The following PDX1 variants were observed in gnomAD, a reference collection of about 807,000 sequenced individuals.
PDX1 encodes pancreatic and duodenal homeobox 1.
A neutral mutation model predicts 11.1 loss-of-function variants in PDX1; 7 were observed. That is an observed-to-expected ratio of 0.63 (90% CI 0.36 to 1.19). PDX1 has a LOEUF of 1.19. Ranked by LOEUF, PDX1 falls within the 50% of genes most tolerant of loss-of-function variation. The pLI is 0.02. For missense variants in PDX1, 449 were observed against 412.1 expected (o/e 1.09, Z -0.78); for synonymous variants, 232 against 196.2 (o/e 1.18, Z -1.53).
chr13:27,922,691 C>G (rs993933034), intron 1 of PDX1, among the ~76,000 whole-genome samples: 3 of 152,178 alleles, frequency 2.0e-5, no homozygotes, highest in African/African-American at 7.2e-5. Context: ...GAGCACAGGT[C>G]CCCCGGGAAT....
In PDX1 at chr13:27,924,686, G is replaced by T. The variant is rs937660726; in HGVS notation, c.837G>T (p.Pro279=). ...CCTCCAGCGTCGCGCCTCGGCGGCC[G>T]CAGGAACCACGATGAGAGGCAGGAG... is the stretch of plus-strand genomic sequence containing the variant. The part of the protein sequence containing the change: ...PQPSSVAPRR[P]QEPR Residue 279 remains proline, a synonymous_variant, in exon 2 of 2, where the codon CCG becomes CCT. Coordinates refer to ENST00000381033, the MANE Select transcript of PDX1 (RefSeq NM_000209.4). This position sits in a 1 kb window ranked among gnomAD's most constrained non-coding sequence, Gnocchi z 4.8. 11 of 1,470,230 alleles carry T rather than the reference G, an allele frequency of 7.5e-6. No individual in the cohort carries two copies. In the African/African-American group the frequency reaches 1.0e-4, roughly 14 times the overall value. The allele number at this position is 1,470,230 out of a possible 1,614,324, so 91.1% of individuals were successfully genotyped here. A position where few individuals can be genotyped will look rare whatever the true frequency, so the allele number is the denominator to read the frequency against.
In PDX1 at chr13:27,920,474, C is replaced by T. The variant is rs149275902; in HGVS notation, c.336C>T (p.Pro112=). 6.2e-7 allele frequency: 1 copy of T among 1,609,352 alleles called. No homozygotes were observed. The highest frequency in any genetic ancestry group is 2.2e-5 in the East Asian group (1 of 44,754). The change falls in exon 1 of 2, where the codon CCC becomes CCT. Residue 112 remains proline, a synonymous_variant. Transcript: ENST00000381033. ...EGAEPGVLEE[P]NRVQLPFPWM... ...CCGAGCCGGGCGTCCTGGAGGAGCC[C>T]AACCGCGTCCAGCTGCCTTTCCCAT...
rs1236618998 is a variant in PDX1 at position 27,924,618 on chromosome 13, C to A, written c.769C>A (p.Arg257=). The change falls in exon 2 of 2, where the codon CGA becomes AGA. Residue 257 remains arginine, a synonymous_variant. Transcript: ENST00000381033. The surrounding 1 kb of genome is among the most constrained non-coding windows in gnomAD (Gnocchi z 4.8). ...AVPPAAPVAA[R]EGRLPPGLSA... ...GCCGCCCGCTGCCCCCGTTGCCGCC[C>A]GAGAGGGCCGCCTGCCGCCTGGCCT... 2 of 1,471,450 alleles carry A rather than the reference C, an allele frequency of 1.4e-6. No homozygotes were observed. The highest frequency in any genetic ancestry group is 1.8e-6 in the Non-Finnish European group (2 of 1,116,930). 91.1% of individuals were successfully genotyped at this position (1,471,450 alleles called of 1,614,324 possible). A position where few individuals can be genotyped will look rare whatever the true frequency, so the allele number is the denominator to read the frequency against.
At position 27,920,305 on chromosome 13, in the gene PDX1, C is replaced by A; in HGVS notation, c.167C>A (p.Ala56Glu). ...CACCCGTTCCCTGGCGCCCTGGGCG[C>A]GCTGGAGCAGGGCAGCCCCCCGGAC... ...PPHPFPGALG[A>E]LEQGSPPDIS... The change falls in exon 1 of 2, where the codon GCG becomes GAG. Residue 56 changes from alanine to glutamate, a missense_variant. By Grantham distance (107) the Ala-to-Glu change is moderately radical (BLOSUM62 -1). Transcript: ENST00000381033. 1.1e-5 allele frequency: 17 copies of A among 1,538,996 alleles called. No homozygotes were observed. The highest frequency in any genetic ancestry group is 1.4e-5 in the Non-Finnish European group (16 of 1,142,282).
In PDX1 at chr13:27,920,039, C is replaced by T; in HGVS notation, c.-100C>T. On this transcript the variant is annotated 5_prime_UTR_variant, in exon 1 of 2. Coordinates refer to ENST00000381033, the MANE Select transcript of PDX1 (RefSeq NM_000209.4). The stretch of plus-strand genomic sequence containing the variant: ...GCTGTCAAAGCGAGCAGGGGTGGCG[C>T]CGGGAGTGGGAACGCCACACAGTGC... 3 of 1,422,126 alleles carry T rather than the reference C, an allele frequency of 2.1e-6. No individual in the cohort carries two copies. Among genetic ancestry groups the T allele is most frequent in the Non-Finnish European group, 2.9e-6 (3 of 1,033,356 alleles). 88.1% of individuals were successfully genotyped at this position (1,422,126 alleles called of 1,614,324 possible). A position where few individuals can be genotyped will look rare whatever the true frequency, so the allele number is the denominator to read the frequency against.
chr13:27,920,095 G>C lies in PDX1; in HGVS notation c.-44G>C, dbSNP rs1398444348. ...CCCCGGCTCCAGCTCCCGACTCCCG[G>C]CTCCCGGCTCCCGGCTCCCGGTGCC... On this transcript the variant is annotated 5_prime_UTR_variant, in exon 1 of 2. Transcript: ENST00000381033. 7 of 1,544,326 alleles carry C rather than the reference G, an allele frequency of 4.5e-6. No homozygotes were observed. The African/African-American group carries it at 9.6e-5, about 21-fold the overall frequency.
rs1218547030 is a variant in PDX1, at chr13:27,920,127, C to A, written c.-12C>A. 1.3e-6 allele frequency: 2 copies of A among 1,549,494 alleles called. No individual in the cohort carries two copies. The stretch of plus-strand genomic sequence containing the variant: ...GCTCCCGGCTCCCGGTGCCCAATCC[C>A]GGGCCGCAGCCATGAACGGCGAGGA... On this transcript the variant is annotated 5_prime_UTR_variant, in exon 1 of 2. Coordinates refer to ENST00000381033, the MANE Select transcript of PDX1 (RefSeq NM_000209.4).
At chr13:27,921,088 G>T in intron 1 of PDX1, among the ~76,000 whole-genome samples, 1 of 152,226 alleles carries the variant, frequency 6.6e-6, no homozygotes, top group East Asian at 1.9e-4. Context: ...ACCCAACCCA[G>T]CAGTGTCCGG....
chr13:27,921,399 G>A (rs1957786078), intron 1 of PDX1, among the ~76,000 whole-genome samples: 1 of 152,228 alleles, frequency 6.6e-6, no homozygotes, highest in African/African-American at 2.4e-5. Flanking sequence ...CCGGAGCCGG[G>A]AGCCGGAGGC....
intron 1 of PDX1, among the ~76,000 whole-genome samples, chr13:27,921,412 G>C (rs1174864625): frequency 6.6e-6 from 1 of 152,246 alleles, no homozygotes; most frequent in African/African-American, 2.4e-5. Flanking sequence ...CCGGAGGCAC[G>C]GGGTAGCCCC....
rs1245933465 is a variant in PDX1, at chr13:27,924,173, G to GC, written c.407-77dup. On this transcript the variant is annotated intron_variant, in intron 1 of 1. Coordinates refer to ENST00000381033, the MANE Select transcript of PDX1 (RefSeq NM_000209.4). This position sits in a 1 kb window ranked among gnomAD's most constrained non-coding sequence, Gnocchi z 4.8. Reference sequence around the variant, plus strand: ...CAGCTGGTAGGGCTAGGGCTCCCTGGCCCCCCTTGAAGGGGTTGGGCTGCG... The same window carrying GC: ...CAGCTGGTAGGGCTAGGGCTCCCTGGCCCCCCCTTGAAGGGGTTGGGCTGCG... The GC allele has an allele frequency of 1.1e-5, 14 of 1,235,348 alleles. No homozygotes were observed. In the East Asian group the frequency reaches 2.6e-4, roughly 23 times the overall value. The allele number at this position is 1,235,348 out of a possible 1,614,324, so 76.5% of individuals were successfully genotyped here.
rs756909200 is a variant in PDX1, at chr13:27,920,413, TCCC to T, written c.278_280del (p.Pro93del). On this transcript the variant is annotated inframe_deletion, in exon 1 of 2. Transcript: ENST00000381033. ...CACCACCTCCCGGCTCAGCTCGCGCTCCCCCACCCGCCCGCCGGGCCCTTCCCG... is the reference window on the plus strand; with the variant it reads ...CACCACCTCCCGGCTCAGCTCGCGCTCCACCCGCCCGCCGGGCCCTTCCCG... The T allele has an allele frequency of 3.2e-6, 5 of 1,560,482 alleles. No individual in the cohort carries two copies. The South Asian group carries it at 5.9e-5, about 18-fold the overall frequency.
chr13:27,924,578 C>A lies in PDX1; in HGVS notation c.729C>A (p.Pro243=). ...TTCTGGCGCTGCCGCCGCCGCCGCC[C>A]CCCGGAGGTGCTGTGCCGCCCGCTG... is the stretch of plus-strand genomic sequence containing the variant. ...EELLALPPPP[P]PGGAVPPAAP... The change falls in exon 2 of 2, where the codon CCC becomes CCA. Residue 243 remains proline (P), a synonymous_variant. Transcript: ENST00000381033. The surrounding 1 kb of genome is among the most constrained non-coding windows in gnomAD (Gnocchi z 4.8). The A allele has an allele frequency of 6.6e-7, 1 of 1,505,636 alleles. No homozygotes were observed. Among genetic ancestry groups the A allele is most frequent in the Non-Finnish European group, 8.8e-7 (1 of 1,132,272 alleles). The allele number at this position is 1,505,636 out of a possible 1,614,324, so 93.3% of individuals were successfully genotyped here. A position where few individuals can be genotyped will look rare whatever the true frequency, so the allele number is the denominator to read the frequency against.
rs768033680 is a variant in PDX1, at chr13:27,924,308, C to T, written c.459C>T (p.Tyr153=). 10 of 1,611,916 alleles carry T rather than the reference C, an allele frequency of 6.2e-6. No individual in the cohort carries two copies. The South Asian group carries it at 8.8e-5, about 14-fold the overall frequency. The change falls in exon 2 of 2, where the codon TAC becomes TAT. Residue 153 remains tyrosine (Y), a synonymous_variant. Transcript: ENST00000381033. The surrounding 1 kb of genome is among the most constrained non-coding windows in gnomAD (Gnocchi z 4.8). ...AGAACAAGCGGACGCGCACGGCCTA[C>T]ACGCGCGCACAGCTGCTAGAGCTGG... ...PEENKRTRTA[Y]TRAQLLELEK... is the part of the protein sequence containing the mutation.
chr13:27,921,906 A>T (rs1957790331), intron 1 of PDX1, among the ~76,000 whole-genome samples: 2 of 152,184 alleles, frequency 1.3e-5, no homozygotes, highest in Non-Finnish European at 1.5e-5. Context: ...CCCGGGCCAA[A>T]GGCCTTGAAG....
Position 27,925,430 on chromosome 13 carries a change from C to A in PDX1, c.*729C>A. Reference sequence around the variant, plus strand: ...TCCTCCTCTTCTTCCCCCTCCTCTCCCTCCTCCTCTTCTTCCCCCTCCTCT... The same window carrying A: ...TCCTCCTCTTCTTCCCCCTCCTCTCACTCCTCCTCTTCTTCCCCCTCCTCT... On this transcript the variant is annotated 3_prime_UTR_variant, in exon 2 of 2. Transcript: ENST00000381033. 1 of 151,562 alleles carries A rather than the reference C, an allele frequency of 6.6e-6. No individual in the cohort carries two copies. Among genetic ancestry groups the A allele is most frequent in the Non-Finnish European group, 1.3e-5 (1 of 74,368 alleles). The allele number at this position is 151,562 out of a possible 1,614,324, so 9.4% of individuals were successfully genotyped here. A position where few individuals can be genotyped will look rare whatever the true frequency, so the allele number is the denominator to read the frequency against.
At chr13:27,923,979 C>T (rs1957804945) in intron 1 of PDX1, among the ~76,000 whole-genome samples, 1 of 152,212 alleles carries the variant, frequency 6.6e-6, no homozygotes, top group African/African-American at 2.4e-5. Context: ...ATTCAAGGAC[C>T]ACTCATTGGC....
In PDX1 at chr13:27,924,811, G is replaced by A; in HGVS notation, c.*110G>A. The stretch of plus-strand genomic sequence containing the variant: ...ACCCGCCCTGGCAGTTGAATGGGGC[G>A]GCAATTGCGGGGCCCACCTTAGACC... On this transcript the variant is annotated 3_prime_UTR_variant, in exon 2 of 2. Transcript: ENST00000381033. The surrounding 1 kb of genome is among the most constrained non-coding windows in gnomAD (Gnocchi z 4.8). 3.4e-6 allele frequency: 3 copies of A among 886,900 alleles called. No homozygotes were observed. Among genetic ancestry groups the A allele is most frequent in the Non-Finnish European group, 4.6e-6 (3 of 655,476 alleles). 54.9% of individuals were successfully genotyped at this position (886,900 alleles called of 1,614,324 possible). A position where few individuals can be genotyped will look rare whatever the true frequency, so the allele number is the denominator to read the frequency against.
chr13:27,921,254 AATTGAAG>A (rs1957784557), intron 1 of PDX1, among the ~76,000 whole-genome samples: 1 of 152,238 alleles, frequency 6.6e-6, no homozygotes, highest in Admixed American at 6.5e-5. Context: ...AACCGAAAGC[AATTGAAG>A]CTGTCTCCCC....
Sources: allele counts gnomAD v4.1 joint callset (sites outside exome capture counted in the v4.1 genomes callset), GRCh38; gene constraint gnomAD v4.1.1; non-coding constraint Gnocchi (gnomAD v3.1); transcripts MANE v1.5; gene names NCBI Gene and HGNC (gene_info 2026-07-23, HGNC 2026-07-21).